Variants in WDR43 observed in about 807,000 individuals in gnomAD.
WDR43 encodes WD repeat domain 43.
A neutral mutation model predicts 91.4 loss-of-function variants in WDR43; 13 were observed. That is an observed-to-expected ratio of 0.14 (90% confidence interval 0.09 to 0.23). The LOEUF is 0.23. Among genes scored for constraint, WDR43 ranks in the 10% least tolerant of loss-of-function variants. WDR43 has a pLI of 1.00. For synonymous variants in WDR43, 331 were observed against 287.9 expected (o/e 1.15, Z -1.51); for missense variants, 780 against 809.4 (o/e 0.96, Z 0.44).
At chr2:28,945,973 G>A (rs1671536345) in intron 16 of WDR43, among the ~76,000 whole-genome samples, 1 of 152,156 alleles carries the variant, frequency 6.6e-6, no homozygotes, top group South Asian at 2.1e-4. Flanking sequence ...TTTTTGTAAG[G>A]GTTTGGCTAG....
intron 1 of WDR43, among the ~76,000 whole-genome samples, chr2:28,900,967 C>T (rs913315773): frequency 6.6e-6 from 1 of 152,200 alleles, no homozygotes; most frequent in African/African-American, 2.4e-5. Context: ...CTCCCTGACA[C>T]TCTTTATGCA....
intron 5 of WDR43, among the ~76,000 whole-genome samples, chr2:28,916,919 T>C (rs2148186781): frequency 6.6e-6 from 1 of 152,330 alleles, no homozygotes; most frequent in East Asian, 1.9e-4. Flanking sequence ...AATGCATATG[T>C]TTTTGATTGA....
chr2:28,917,097 A>G (rs1209302252), intron 5 of WDR43, among the ~76,000 whole-genome samples: 2 of 152,198 alleles, frequency 1.3e-5, no homozygotes, highest in African/African-American at 4.8e-5. Flanking sequence ...AGAAAGCACA[A>G]AAATGCAAAA....
chr2:28,929,724 A>G lies in WDR43; in HGVS notation c.1437+14A>G. ...GAAATGCTAAATGTAAGTATATAGC[A>G]ATTTTTAACTAAATTAACATGGTTA... is the stretch of plus-strand genomic sequence containing the variant. On this transcript the variant is annotated intron_variant, in intron 11 of 17. Transcript: ENST00000407426. The G allele has an allele frequency of 6.2e-7, 1 of 1,605,420 alleles. No homozygotes were observed. Among genetic ancestry groups the G allele is most frequent in the Non-Finnish European group, 8.5e-7 (1 of 1,174,566 alleles).
At chr2:28,934,549 G>A (rs117102934) in intron 11 of WDR43, among the ~76,000 whole-genome samples, 1 of 152,262 alleles carries the variant, frequency 6.6e-6, no homozygotes, top group East Asian at 1.9e-4. Context: ...TAATGAGGCT[G>A]ACTCCTCTGT....
intron 1 of WDR43, among the ~76,000 whole-genome samples, chr2:28,896,895 A>G (rs1465395251): frequency 6.6e-6 from 1 of 152,230 alleles, no homozygotes; most frequent in East Asian, 1.9e-4. Flanking sequence ...TCTAGGTTTC[A>G]GCATCGTTTT....
At position 28,905,365 on chromosome 2, in the gene WDR43, C is replaced by A. The variant is rs369785300; in HGVS notation, c.364-1095C>A. Among the ~76,000 whole-genome samples the A allele has an allele frequency of 1.6e-4, 25 of 152,244 alleles. 1 individual carries two copies. In the East Asian group the frequency reaches 2.3e-3, roughly 14 times the overall value. ...GAGCTCTTCTCAGTTTCTATTCCTA[C>A]GTGCCTCTTAGTGAGTGGGCATCTT... On this transcript the variant is annotated intron_variant, in intron 2 of 17. Transcript: ENST00000407426.
At chr2:28,918,118 T>C (rs1199771966) in intron 6 of WDR43, 123 bp downstream of exon 6, 6 of 792,686 alleles carry the variant, frequency 7.6e-6, no homozygotes, top group Non-Finnish European at 1.2e-5. Context: ...CAACAAACTG[T>C]AACAAATTTT....
intron 5 of WDR43, 81 bp from the exon 6 acceptor site, chr2:28,917,812 C>T (rs1208632720): frequency 8.2e-7 from 1 of 1,223,256 alleles, no homozygotes; most frequent in Non-Finnish European, 1.2e-6. Flanking sequence ...GTGCTGATCT[C>T]CATGCCTCCT....
At position 28,942,442 on chromosome 2, in the gene WDR43, G is replaced by A. The variant is rs1671456304; in HGVS notation, c.1804+61G>A. 1.2e-5 allele frequency: 18 copies of A among 1,536,016 alleles called. 1 individual carries two copies. The highest frequency in any genetic ancestry group is 1.2e-4 in the East Asian group (5 of 43,462). ...ATAACATTCAGTTTTCAGTGACTGA[G>A]TTCTGTTATCTTTTTGAAAACGTCA... On this transcript the variant is annotated intron_variant, in intron 16 of 17. Coordinates refer to ENST00000407426, the MANE Select transcript of WDR43 (RefSeq NM_015131.3).
At chr2:28,925,691 ATTTC>A (rs953391052) in intron 8 of WDR43, among the ~76,000 whole-genome samples, 12 of 152,296 alleles carry the variant, frequency 7.9e-5, no homozygotes, top group African/African-American at 2.9e-4. Context: ...ACAAAAGGTT[ATTTC>A]TTAAGCTTGC....
chr2:28,935,563 G>A lies in WDR43; in HGVS notation c.1480G>A (p.Val494Ile). The change falls in exon 12 of 18, where the codon GTA becomes ATA. Residue 494 changes from valine to isoleucine, a missense_variant. Coordinates refer to ENST00000407426, the MANE Select transcript of WDR43 (RefSeq NM_015131.3). The part of the protein sequence containing the change: ...TRNVNLIKKT[V>I]LRMPLHTIIP... ...GAATGTAAACCTTATAAAGAAGACT[G>A]TATTAAGGATGCCCCTGCATACTAT... 2 of 1,599,426 alleles carry A rather than the reference G, an allele frequency of 1.3e-6. No individual in the cohort carries two copies. The highest frequency in any genetic ancestry group is 8.5e-7 in the Non-Finnish European group (1 of 1,174,498).
intron 11 of WDR43, among the ~76,000 whole-genome samples, chr2:28,931,892 T>A (rs780610727): frequency 0.016 from 1,753 of 112,590 alleles, 12 homozygotes; most frequent in South Asian, 0.038. Flanking sequence ...TTTTTTTTTT[T>A]AAATGAGACA....
At chr2:28,927,748 A>G in intron 10 of WDR43, 48 bp downstream of exon 10, 1 of 1,608,542 alleles carries the variant, frequency 6.2e-7, no homozygotes, top group Non-Finnish European at 8.5e-7. Context: ...ATTTAAAATT[A>G]CTGGGAAATT....
In WDR43 at chr2:28,947,088, C is replaced by G. The variant is rs1671556222; in HGVS notation, c.*309C>G. On this transcript the variant is annotated 3_prime_UTR_variant, in exon 18 of 18. Coordinates refer to ENST00000407426, the MANE Select transcript of WDR43 (RefSeq NM_015131.3). ...TATGATTGGTTATATCAAGAATTGA[C>G]AAGTGCAGATAAAGACCTTTCCCAT... The G allele has an allele frequency of 5.4e-6, 1 of 186,576 alleles. No homozygotes were observed. The highest frequency in any genetic ancestry group is 5.9e-5 in the Admixed American group (1 of 17,034). The allele number at this position is 186,576 out of a possible 1,614,324, so 11.6% of individuals were successfully genotyped here.
At chr2:28,934,727 A>G (rs115711087) in intron 11 of WDR43, among the ~76,000 whole-genome samples, 124 of 152,330 alleles carry the variant, frequency 8.1e-4, no homozygotes, top group African/African-American at 3.0e-3. Context: ...TCAAATAAAT[A>G]CATTAATAGG....
chr2:28,937,691 A>G (rs1671360884), intron 13 of WDR43, among the ~76,000 whole-genome samples: 1 of 152,172 alleles, frequency 6.6e-6, no homozygotes, highest in African/African-American at 2.4e-5. Context: ...TTTTAGAGGA[A>G]GGGGTTTTGT....
At chr2:28,925,717 G>A (rs1008602514) in intron 8 of WDR43, among the ~76,000 whole-genome samples, 20 of 152,122 alleles carry the variant, frequency 1.3e-4, no homozygotes, top group African/African-American at 3.1e-4. Context: ...TTTAAAATGC[G>A]TTTACTTCGT....
chr2:28,927,361 A>G, intron 9 of WDR43: 1 of 597,180 alleles, frequency 1.7e-6, no homozygotes, highest in Non-Finnish European at 2.8e-6. Context: ...CTTATGTGGT[A>G]TTGTAAGCTT....
Sources: gnomAD v4.1 joint callset for allele counts (sites outside exome capture counted in the v4.1 genomes callset) on GRCh38, gnomAD v4.1.1 for gene constraint, MANE v1.5 for transcripts, NCBI Gene and HGNC (gene_info 2026-07-23, HGNC 2026-07-21) for gene names.